Variants in CNTN4 observed in about 807,000 individuals in gnomAD.
The protein encoded by CNTN4 is contactin 4.
A neutral mutation model predicts 122.5 loss-of-function variants in CNTN4; 77 were observed. The observed-to-expected ratio is 0.63, with a 90% CI of 0.52 to 0.76. CNTN4 has a LOEUF of 0.76. CNTN4 is among the 30% of genes least tolerant of loss of function. CNTN4 has a pLI of 0.00. For synonymous variants in CNTN4, 512 were observed against 447.0 expected (o/e 1.15, Z -1.83); for missense variants, 1,256 against 1,259.1 (o/e 1.00, Z 0.04).
intron 3 of CNTN4, among the ~76,000 whole-genome samples, chr3:2,416,819 A>G (rs2047432998): frequency 6.6e-6 from 1 of 151,700 alleles, no homozygotes. Flanking sequence ...TCGCCCGGCT[A>G]ATTTTTTTGT....
chr3:2,160,463 T>C (rs1016244093), intron 2 of CNTN4, among the ~76,000 whole-genome samples: 1 of 152,214 alleles, frequency 6.6e-6, no homozygotes, highest in Non-Finnish European at 1.5e-5. Flanking sequence ...AAATAACTTT[T>C]CTGAGCCTCA....
intron 2 of CNTN4, among the ~76,000 whole-genome samples, chr3:2,116,280 T>C (rs1406918727): frequency 1.3e-5 from 2 of 152,152 alleles, no homozygotes; most frequent in Non-Finnish European, 2.9e-5. Flanking sequence ...TCTCAAAGCT[T>C]AGACATGTTA....
chr3:2,344,652 AT>A (rs1241923625), intron 3 of CNTN4, among the ~76,000 whole-genome samples: 1 of 152,124 alleles, frequency 6.6e-6, no homozygotes, highest in African/African-American at 2.4e-5. Context: ...ACAGGAATGA[AT>A]TTCTATTCTA....
At chr3:3,038,007 G>C (rs775665113) in intron 18 of CNTN4, among the ~76,000 whole-genome samples, 1 of 152,108 alleles carries the variant, frequency 6.6e-6, no homozygotes, top group African/African-American at 2.4e-5. Context: ...CGCCTGTAGA[G>C]AGGCCAGTGT....
At chr3:2,748,972 C>T (rs945677580) in intron 6 of CNTN4, among the ~76,000 whole-genome samples, 6 of 152,158 alleles carry the variant, frequency 3.9e-5, no homozygotes, top group South Asian at 2.1e-4. Context: ...CAGCTTTTCT[C>T]ATGATCTTTC....
intron 3 of CNTN4, among the ~76,000 whole-genome samples, chr3:2,554,628 G>A (rs1020004133): frequency 4.6e-5 from 7 of 152,048 alleles, no homozygotes; most frequent in South Asian, 2.1e-4. Flanking sequence ...TTTTATAGGC[G>A]ATATGATTTT....
intron 7 of CNTN4, among the ~76,000 whole-genome samples, chr3:2,858,216 G>C (rs929235100): frequency 5.9e-5 from 9 of 152,204 alleles, no homozygotes; most frequent in Non-Finnish European, 8.8e-5. Flanking sequence ...AGCATCAGCA[G>C]CACCTAGAAA....
chr3:2,580,061 A>G (rs1040421362), intron 4 of CNTN4, among the ~76,000 whole-genome samples: 2 of 148,500 alleles, frequency 1.3e-5, no homozygotes, highest in African/African-American at 4.9e-5. Context: ...GTGTGTGTGT[A>G]TGTACATACA....
At chr3:2,840,635 C>CTT (rs777890826) in intron 7 of CNTN4, among the ~76,000 whole-genome samples, 3 of 118,224 alleles carry the variant, frequency 2.5e-5, no homozygotes, top group African/African-American at 8.9e-5. Context: ...GGAGGCGGAG[C>CTT]TTGCAGTGAG....
chr3:2,942,623 C>T (rs2094627110), intron 13 of CNTN4, among the ~76,000 whole-genome samples: 2 of 152,164 alleles, frequency 1.3e-5, no homozygotes, highest in African/African-American at 2.4e-5. Flanking sequence ...AATGGTGAAG[C>T]TTGATGTAAG....
chr3:2,498,384 C>T (rs2151723722), intron 3 of CNTN4, among the ~76,000 whole-genome samples: 1 of 152,264 alleles, frequency 6.6e-6, no homozygotes, highest in East Asian at 1.9e-4. Context: ...TTCCTCCTAG[C>T]AATGTATGAG....
intron 4 of CNTN4, among the ~76,000 whole-genome samples, chr3:2,574,797 T>C (rs1178170480): frequency 2.0e-5 from 3 of 152,264 alleles, no homozygotes; most frequent in Non-Finnish European, 4.4e-5. Flanking sequence ...CACTAAAATA[T>C]TAATCTGTGC....
chr3:2,712,403 T>A (rs2087204161), intron 4 of CNTN4, among the ~76,000 whole-genome samples: 1 of 152,190 alleles, frequency 6.6e-6, no homozygotes, highest in South Asian at 2.1e-4. Context: ...TATTAGCTAG[T>A]ATAGAGGAGA....
chr3:2,118,959 T>C (rs1205586437), intron 2 of CNTN4, among the ~76,000 whole-genome samples: 1 of 152,220 alleles, frequency 6.6e-6, no homozygotes, highest in East Asian at 1.9e-4. Context: ...GTGTAATGGT[T>C]AATTTTATAT....
intron 2 of CNTN4, among the ~76,000 whole-genome samples, chr3:2,257,577 A>G (rs2040650514): frequency 6.6e-6 from 1 of 152,254 alleles, no homozygotes; most frequent in African/African-American, 2.4e-5. Context: ...CAAAGAACTT[A>G]AAGAAATTTA....
At chr3:2,797,597 TCAAAAACAAAAA>T (rs528308254) in intron 6 of CNTN4, among the ~76,000 whole-genome samples, 4 of 152,060 alleles carry the variant, frequency 2.6e-5, no homozygotes, top group Non-Finnish European at 5.9e-5. Flanking sequence ...AAACTCCGCC[TCAAAAACAAAAA>T]CAAAAACAAA....
chr3:2,707,529 C>T (rs140271979), intron 4 of CNTN4, among the ~76,000 whole-genome samples: 5 of 152,162 alleles, frequency 3.3e-5, no homozygotes, highest in African/African-American at 1.2e-4. Flanking sequence ...TGAAAGTCCC[C>T]TAATATTGCT....
At chr3:2,712,835 A>G (rs1470947583) in intron 4 of CNTN4, among the ~76,000 whole-genome samples, 1 of 152,224 alleles carries the variant, frequency 6.6e-6, no homozygotes, top group African/African-American at 2.4e-5. Flanking sequence ...AGAAGCCTTC[A>G]TAAAAACCCA....
chr3:2,980,147 T>A (rs1206235580), intron 13 of CNTN4, among the ~76,000 whole-genome samples: 8 of 152,242 alleles, frequency 5.3e-5, no homozygotes, highest in Non-Finnish European at 1.0e-4. Context: ...TGAGTCCAGA[T>A]TTGTTCCTAT....
Sources: gnomAD v4.1 joint callset for allele counts (sites outside exome capture counted in the v4.1 genomes callset) on GRCh38, gnomAD v4.1.1 for gene constraint, MANE v1.5 for transcripts, NCBI Gene and HGNC (gene_info 2026-07-23, HGNC 2026-07-21) for gene names.